PPFIA2: variants seen among roughly 807,000 people sequenced by gnomAD.
PPFIA2 encodes the protein PPFI scaffold protein A2, also known as liprin-alpha-2.
A neutral mutation model predicts 175.5 loss-of-function variants in PPFIA2; 46 were observed. The observed-to-expected ratio is 0.26, with a 90% CI of 0.21 to 0.34. The LOEUF (loss-of-function observed/expected upper bound fraction) is 0.34, where lower values mean the gene tolerates loss of function less well. Among genes scored for constraint, PPFIA2 ranks in the 10% least tolerant of loss-of-function variants. The probability of loss-of-function intolerance (pLI) is 1.00; values close to 1 mark genes in which losing one functional copy is unlikely to be tolerated. For synonymous variants in PPFIA2, 568 were observed against 511.4 expected, an observed-to-expected ratio of 1.11 and a Z score of -1.49; for missense variants, 1,179 against 1,506.1, an observed-to-expected ratio of 0.78 and a Z score of 3.60.
At chr12:81,445,054 A>C (rs1158683985) in intron 6 of PPFIA2, among the ~76,000 whole-genome samples, 2 of 152,108 alleles carry the variant, frequency 1.3e-5, no homozygotes, top group African/African-American at 4.8e-5. Context: ...TATTCAAATG[A>C]ATATTTAAAA....
chr12:81,365,545 C>T (rs547316065), intron 14 of PPFIA2, among the ~76,000 whole-genome samples: 8 of 151,770 alleles, frequency 5.3e-5, no homozygotes, highest in Admixed American at 1.3e-4. Flanking sequence ...AACAGCATCA[C>T]GTCCAAAATT....
chr12:81,447,835 T>C (rs1374808527), intron 5 of PPFIA2, among the ~76,000 whole-genome samples: 1 of 152,170 alleles, frequency 6.6e-6, no homozygotes, highest in East Asian at 1.9e-4. Context: ...ACATACCTCA[T>C]ATAGTTTTAT....
At chr12:81,488,042 T>C (rs1158374862) in intron 4 of PPFIA2, among the ~76,000 whole-genome samples, 2 of 151,948 alleles carry the variant, frequency 1.3e-5, no homozygotes, top group Non-Finnish European at 2.9e-5. Flanking sequence ...TTGTGGCCGA[T>C]AATTCCTTTA....
At chr12:81,381,114 T>C (rs2037588534) in intron 9 of PPFIA2, among the ~76,000 whole-genome samples, 1 of 152,038 alleles carries the variant, frequency 6.6e-6, no homozygotes, top group Admixed American at 6.6e-5. Context: ...CACTTTACAC[T>C]TTTCCATTGC....
chr12:81,281,498 T>C, intron 26 of PPFIA2, 48 bp from the exon 27 acceptor site: 10 of 1,321,324 alleles, frequency 7.6e-6, no homozygotes, highest in Non-Finnish European at 1.1e-5. Context: ...TCAGATAAGA[T>C]GGTAATTGGA....
Position 81,539,829 on chromosome 12 carries a change from C to T in PPFIA2, c.304-81963G>A, listed in dbSNP as rs937845857. 7.2e-5 allele frequency among the ~76,000 whole-genome samples: 11 copies of T among 151,964 alleles called. No homozygotes were observed. The East Asian group carries it at 7.7e-4, about 11-fold the overall frequency. On this transcript the variant is annotated intron_variant, in intron 4 of 32. Transcript: ENST00000549396. ...CCACACTTAGATTAATGTTTTCACA[C>T]ACTCTATATTTCTTATTTTCTCATT...
At chr12:81,289,316 A>G (rs2137473145) in intron 24 of PPFIA2, among the ~76,000 whole-genome samples, 1 of 151,978 alleles carries the variant, frequency 6.6e-6, no homozygotes, top group East Asian at 1.9e-4. Flanking sequence ...ACTAATGCCT[A>G]TCTTACACCT....
chr12:81,426,536 A>G (rs753338891), intron 7 of PPFIA2, among the ~76,000 whole-genome samples: 8 of 152,196 alleles, frequency 5.3e-5, no homozygotes, highest in Non-Finnish European at 1.2e-4. Flanking sequence ...AGGTAATAGT[A>G]TATGGTAAAT....
chr12:81,510,365 T>C (rs1222491304), intron 4 of PPFIA2, among the ~76,000 whole-genome samples: 1 of 152,118 alleles, frequency 6.6e-6, no homozygotes, highest in East Asian at 1.9e-4. Context: ...ATTAATCACA[T>C]AGAAACTCAA....
At chr12:81,526,227 T>C (rs747365917) in intron 4 of PPFIA2, among the ~76,000 whole-genome samples, 28 of 152,302 alleles carry the variant, frequency 1.8e-4, no homozygotes, top group Non-Finnish European at 3.5e-4. Context: ...GTGATTTCAG[T>C]GAACCTCTTA....
chr12:81,518,762 A>G (rs113756080), intron 4 of PPFIA2, among the ~76,000 whole-genome samples: 1 of 152,190 alleles, frequency 6.6e-6, no homozygotes, highest in Non-Finnish European at 1.5e-5. Flanking sequence ...CCACAAGGGC[A>G]AAGACTCTTC....
chr12:81,573,861 T>A (rs1358124832), intron 4 of PPFIA2, among the ~76,000 whole-genome samples: 1 of 151,902 alleles, frequency 6.6e-6, no homozygotes, highest in African/African-American at 2.4e-5. Flanking sequence ...CCTACTGTGG[T>A]CAGTAGTTCT....
chr12:81,388,438 G>A (rs1382969773), intron 8 of PPFIA2, among the ~76,000 whole-genome samples: 3 of 151,980 alleles, frequency 2.0e-5, no homozygotes, highest in African/African-American at 7.2e-5. Flanking sequence ...TTCTAGAAAA[G>A]ATCATCCTAA....
At chr12:81,552,340 G>A (rs2068065626) in intron 4 of PPFIA2, among the ~76,000 whole-genome samples, 1 of 151,510 alleles carries the variant, frequency 6.6e-6, no homozygotes, top group African/African-American at 2.4e-5. Flanking sequence ...CCTTCTAAGT[G>A]TAAACTGCAC....
At chr12:81,566,443 G>A (rs2071297377) in intron 4 of PPFIA2, among the ~76,000 whole-genome samples, 1 of 143,360 alleles carries the variant, frequency 7.0e-6, no homozygotes. Context: ...AGAATCACTT[G>A]AAGCCGGGAG....
At chr12:81,505,071 G>A (rs2061002569) in intron 4 of PPFIA2, among the ~76,000 whole-genome samples, 1 of 151,972 alleles carries the variant, frequency 6.6e-6, no homozygotes, top group Admixed American at 6.6e-5. Context: ...TGTAGCAGTG[G>A]TACATTCCCA....
At chr12:81,459,004 A>T (rs1319542014) in intron 4 of PPFIA2, among the ~76,000 whole-genome samples, 1 of 152,134 alleles carries the variant, frequency 6.6e-6, no homozygotes, top group Admixed American at 6.6e-5. Context: ...GAATATGATG[A>T]TTATGCAAAG....
At chr12:81,284,019 G>A (rs1424075902) in intron 25 of PPFIA2, among the ~76,000 whole-genome samples, 1 of 152,010 alleles carries the variant, frequency 6.6e-6, no homozygotes, top group Non-Finnish European at 1.5e-5. Context: ...TATTGTTTGT[G>A]TACTATAAGC....
At chr12:81,602,460 T>C (rs1004502256) in intron 4 of PPFIA2, among the ~76,000 whole-genome samples, 1 of 148,330 alleles carries the variant, frequency 6.7e-6, no homozygotes. Context: ...GTTGTTGTTA[T>C]GGTTTTTATC....
Sources: allele counts gnomAD v4.1 joint callset (sites outside exome capture counted in the v4.1 genomes callset), GRCh38; gene constraint gnomAD v4.1.1; transcripts MANE v1.5; gene names NCBI Gene and HGNC (gene_info 2026-07-23, HGNC 2026-07-21).